HOOK3: variants seen among roughly 807,000 people sequenced by gnomAD.
HOOK3 encodes hook microtubule tethering protein 3, also known as protein Hook homolog 3.
HOOK3 carries 24 observed loss-of-function variants against 116.3 expected under a neutral mutation model. The observed-to-expected ratio is 0.21, with a 90% CI of 0.15 to 0.29. HOOK3 has a LOEUF of 0.29. Among genes scored for constraint, HOOK3 ranks in the 10% least tolerant of loss-of-function variants. HOOK3 has a pLI of 1.00. For synonymous variants in HOOK3, 275 were observed against 283.0 expected (o/e 0.97, Z 0.28); for missense variants, 632 against 830.2 (o/e 0.76, Z 2.93).
chr8:43,020,907 C>T lies in HOOK3; in HGVS notation c.*2409C>T, dbSNP rs568489783. ...TCTGAGGTCAGGACTTCCAGACCAG[C>T]CTGTCCAACATGGTGAAACTCCGTC... On this transcript the variant is annotated 3_prime_UTR_variant, in exon 22 of 22. Coordinates refer to ENST00000307602, the MANE Select transcript of HOOK3 (RefSeq NM_032410.4). 5.6e-6 allele frequency: 1 copy of T among 179,524 alleles called. No individual in the cohort carries two copies. The highest frequency in any genetic ancestry group is 6.3e-5 in the Admixed American group (1 of 15,820). The allele number at this position is 179,524 out of a possible 1,614,324, so 11.1% of individuals were successfully genotyped here.
At chr8:43,008,699 G>A (rs1426938739) in intron 18 of HOOK3, among the ~76,000 whole-genome samples, 12 of 137,688 alleles carry the variant, frequency 8.7e-5, no homozygotes, top group Admixed American at 1.5e-4. Flanking sequence ...TCGCTCTGTC[G>A]CCCAGGCTGG....
intron 16 of HOOK3, among the ~76,000 whole-genome samples, chr8:43,001,708 A>G (rs1361943798): frequency 1.3e-5 from 2 of 152,184 alleles, no homozygotes; most frequent in Non-Finnish European, 2.9e-5. Flanking sequence ...AGCTGGCCCA[A>G]TACTTTATCA....
At chr8:42,928,236 G>A (rs1448962072) in intron 3 of HOOK3, among the ~76,000 whole-genome samples, 3 of 151,854 alleles carry the variant, frequency 2.0e-5, no homozygotes, top group Admixed American at 6.6e-5. Context: ...CCAAGATGGC[G>A]CCACTGCACT....
intron 18 of HOOK3, 126 bp downstream of exon 18, chr8:43,008,055 C>G: frequency 2.7e-6 from 1 of 377,290 alleles, no homozygotes; most frequent in Non-Finnish European, 4.5e-6. Context: ...AAGTCTCACT[C>G]TCACCCAGGC....
chr8:42,943,073 T>A (rs1009493937), intron 4 of HOOK3, among the ~76,000 whole-genome samples: 3 of 152,090 alleles, frequency 2.0e-5, no homozygotes, highest in Admixed American at 2.0e-4. Context: ...GGTTTTTTTG[T>A]TTGTTTTGTT....
chr8:42,907,816 C>CAAAAAAAA (rs71550426), intron 2 of HOOK3, among the ~76,000 whole-genome samples: 14 of 46,176 alleles, frequency 3.0e-4, no homozygotes, highest in Admixed American at 9.2e-4. Context: ...AGCAACGAGG[C>CAAAAAAAA]AAAAAAAAAA....
chr8:42,906,289 T>G (rs745555738), intron 2 of HOOK3, 31 bp downstream of exon 2: 1 of 1,372,480 alleles, frequency 7.3e-7, no homozygotes, highest in Non-Finnish European at 1.0e-6. Context: ...TTTATGTGTA[T>G]TCTTATGCAT....
intron 13 of HOOK3, among the ~76,000 whole-genome samples, chr8:42,981,060 T>C (rs1442831124): frequency 6.6e-6 from 1 of 151,076 alleles, no homozygotes; most frequent in African/African-American, 2.4e-5. Context: ...ATAATTTTTT[T>C]TTTTTTTTTG....
At chr8:42,989,269 A>C (rs528704530) in intron 15 of HOOK3, among the ~76,000 whole-genome samples, 1 of 152,314 alleles carries the variant, frequency 6.6e-6, no homozygotes, top group South Asian at 2.1e-4. Flanking sequence ...AGCTGTATAT[A>C]TTCAGCAATT....
intron 13 of HOOK3, among the ~76,000 whole-genome samples, chr8:42,976,308 G>A (rs1321404720): frequency 6.6e-6 from 1 of 151,810 alleles, no homozygotes. Flanking sequence ...AAGTTCAAGA[G>A]CAGCCTGGGC....
At chr8:42,990,021 G>A (rs969508530) in intron 15 of HOOK3, among the ~76,000 whole-genome samples, 1 of 151,892 alleles carries the variant, frequency 6.6e-6, no homozygotes. Context: ...TTTTGAGACA[G>A]GATCTTACTC....
chr8:42,914,717 TC>T (rs1807496959), intron 2 of HOOK3, among the ~76,000 whole-genome samples: 1 of 152,252 alleles, frequency 6.6e-6, no homozygotes, highest in Non-Finnish European at 1.5e-5. Flanking sequence ...CTACTCAAGA[TC>T]ATCACTTTAC....
chr8:42,905,118 A>C (rs1307896530), intron 1 of HOOK3, among the ~76,000 whole-genome samples: 1 of 152,218 alleles, frequency 6.6e-6, no homozygotes, highest in Non-Finnish European at 1.5e-5. Context: ...AATGAAGTGA[A>C]TATCTAACCT....
rs1053537917 is a variant in HOOK3 at position 42,926,808 on chromosome 8, C to T, written c.216+1179C>T. On this transcript the variant is annotated intron_variant, in intron 3 of 21. Coordinates refer to ENST00000307602, the MANE Select transcript of HOOK3 (RefSeq NM_032410.4). ...TGTGCAGTTCTGTGTAGCTCTGTCT[C>T]ATGTGTAGCTTTGTGTAACTACCAC... Among the ~76,000 whole-genome samples the T allele has an allele frequency of 2.0e-5, 3 of 152,290 alleles. No individual in the cohort carries two copies. In the East Asian group the frequency reaches 5.8e-4, roughly 29 times the overall value.
At chr8:42,918,965 A>AG (rs1807587832) in intron 2 of HOOK3, among the ~76,000 whole-genome samples, 2 of 152,302 alleles carry the variant, frequency 1.3e-5, no homozygotes, top group Admixed American at 1.3e-4. Context: ...GGCCGGGCAG[A>AG]GGGGCTCCTC....
intron 17 of HOOK3, among the ~76,000 whole-genome samples, chr8:43,003,343 C>T (rs1259391893): frequency 6.6e-6 from 1 of 152,156 alleles, no homozygotes. Context: ...GCAATTCAAG[C>T]AGTGGGCAGA....
At chr8:42,943,064 G>T (rs191211823) in intron 4 of HOOK3, among the ~76,000 whole-genome samples, 178 of 151,584 alleles carry the variant, frequency 1.2e-3, no homozygotes, top group African/African-American at 4.2e-3. Context: ...AGTACTCAGG[G>T]TTTTTTTGTT....
At chr8:42,924,834 G>T (rs575263188) in intron 2 of HOOK3, among the ~76,000 whole-genome samples, 2 of 151,902 alleles carry the variant, frequency 1.3e-5, no homozygotes, top group Non-Finnish European at 2.9e-5. Context: ...TTATCCAGGT[G>T]TGGTGGTGTG....
intron 4 of HOOK3, among the ~76,000 whole-genome samples, chr8:42,942,130 C>A (rs532751348): frequency 6.6e-6 from 1 of 152,048 alleles, no homozygotes; most frequent in Non-Finnish European, 1.5e-5. Flanking sequence ...TGGTGGCACA[C>A]GCCTGTAATC....
Sources: allele counts gnomAD v4.1 joint callset (sites outside exome capture counted in the v4.1 genomes callset), GRCh38; gene constraint gnomAD v4.1.1; transcripts MANE v1.5; gene names NCBI Gene and HGNC (gene_info 2026-07-23, HGNC 2026-07-21).